Variants in KIRREL2 observed in about 807,000 individuals in gnomAD.
KIRREL2 encodes the protein kin of IRRE-like protein 2.
KIRREL2 carries 56 observed loss-of-function variants against 73.4 expected under a neutral mutation model. That is an observed-to-expected ratio of 0.76 (90% CI 0.62 to 0.95). The LOEUF is 0.95. Among genes scored for constraint, KIRREL2 ranks in the 40% least tolerant of loss-of-function variants. The probability of loss-of-function intolerance (pLI) is 0.00; values close to 1 mark genes in which losing one functional copy is unlikely to be tolerated. For missense variants in KIRREL2, 896 were observed against 935.0 expected (o/e 0.96, Z 0.54); for synonymous variants, 407 against 404.0 (o/e 1.01, Z -0.09).
intron 5 of KIRREL2, among the ~76,000 whole-genome samples, 185 bp from the exon 6 acceptor site, chr19:35,860,112 C>T (rs1973597783): frequency 6.6e-6 from 1 of 152,050 alleles, no homozygotes; most frequent in Admixed American, 6.5e-5. Flanking sequence ...TAGGAGAGGG[C>T]AGAAGGCTGG....
intron 11 of KIRREL2, 90 bp downstream of exon 11, chr19:35,862,114 C>T (rs1973722536): frequency 4.5e-6 from 5 of 1,119,528 alleles, no homozygotes; most frequent in South Asian, 1.5e-5. Context: ...AAACCTCATA[C>T]CCTCAAATGC....
chr19:35,866,126 A>G (rs1331909086), intron 14 of KIRREL2, 31 bp from the exon 15 acceptor site: 3 of 1,583,450 alleles, frequency 1.9e-6, no homozygotes, highest in Non-Finnish European at 2.6e-6. Flanking sequence ...GCACGCTCAC[A>G]GACTTTACTG....
intron 11 of KIRREL2, 124 bp from the exon 12 acceptor site, chr19:35,862,369 T>G: frequency 1.3e-6 from 1 of 756,830 alleles, no homozygotes; most frequent in Non-Finnish European, 2.3e-6. Flanking sequence ...AACCCCAAAT[T>G]CAAGGGCCTT....
At position 35,861,268 on chromosome 19, in the gene KIRREL2, G is replaced by C; in HGVS notation, c.1189+14G>C. On this transcript the variant is annotated intron_variant, in intron 9 of 14. Transcript: ENST00000360202. ...TGACTGTGAACGGTGAGAAGGCGGG[G>C]CTTCCTAGGGGACCTGGCCCGTCCT... The C allele has an allele frequency of 6.6e-7, 1 of 1,522,014 alleles. No individual in the cohort carries two copies. The highest frequency in any genetic ancestry group is 8.7e-7 in the Non-Finnish European group (1 of 1,146,134). 94.3% of individuals were successfully genotyped at this position (1,522,014 alleles called of 1,614,324 possible).
In KIRREL2 at chr19:35,859,532, A is replaced by G. The variant is rs763642025; in HGVS notation, c.574A>G (p.Thr192Ala). 7 of 1,613,584 alleles carry G rather than the reference A, an allele frequency of 4.3e-6. No individual in the cohort carries two copies. The highest frequency in any genetic ancestry group is 5.1e-6 in the Non-Finnish European group (6 of 1,179,950). Residue 192 changes from threonine (T) to alanine (A), a missense_variant, in exon 5 of 15, where the codon ACC becomes GCC. By Grantham distance (58) the Thr-to-Ala change is moderately conservative. Transcript: ENST00000360202. Reference sequence around the variant, plus strand: ...GTCAGTGGAGAGCACCTTAACCCTGACCCCTTTCAGCCATGATGATGGAGC... The same window carrying G: ...GTCAGTGGAGAGCACCTTAACCCTGGCCCCTTTCAGCCATGATGATGGAGC... ...PGSVESTLTL[T>A]PFSHDDGATF...
At chr19:35,862,747 C>G (rs1019159553) in intron 12 of KIRREL2, 150 bp downstream of exon 12, 2 of 714,546 alleles carry the variant, frequency 2.8e-6, no homozygotes, top group African/African-American at 3.5e-5. Flanking sequence ...CTGGTTCCCT[C>G]CTTAAGCCCT....
rs1290773800 is a variant in KIRREL2, at chr19:35,860,630, G to A, written c.891G>A (p.Val297=). 1 of 1,603,558 alleles carries A rather than the reference G, an allele frequency of 6.2e-7. No homozygotes were observed. Among genetic ancestry groups the A allele is most frequent in the Admixed American group, 1.7e-5 (1 of 60,024 alleles). ...TGTCCTGCGAGGTCAGCAACGCCGT[G>A]GGTAGCGCCAACCGCAGTACTGCGC... ...EPVSCEVSNA[V]GSANRSTALD... Residue 297 remains valine (V), a synonymous_variant, in exon 7 of 15, where the codon GTG becomes GTA. Transcript: ENST00000360202.
intron 3 of KIRREL2, 31 bp downstream of exon 3, chr19:35,858,588 G>A (rs1455007529): frequency 9.9e-6 from 16 of 1,612,760 alleles, no homozygotes; most frequent in Non-Finnish European, 1.4e-5. Context: ...TCCCCTGGGA[G>A]CCCAAGAGGG....
intron 2 of KIRREL2, 58 bp downstream of exon 2, chr19:35,857,552 G>C: frequency 6.9e-7 from 1 of 1,454,458 alleles, no homozygotes; most frequent in East Asian, 2.4e-5. Context: ...TGCTGGGCTC[G>C]GCTGTACCTG....
chr19:35,854,071 C>T (rs1973349055), upstream of KIRREL2, among the ~76,000 whole-genome samples: 2 of 152,128 alleles, frequency 1.3e-5, no homozygotes. Flanking sequence ...TCTCGAACTC[C>T]TGACCTCAGG....
At chr19:35,862,832 C>T in intron 12 of KIRREL2, 95 bp from the exon 13 acceptor site, 1 of 781,216 alleles carries the variant, frequency 1.3e-6, no homozygotes. Flanking sequence ...ACCCAATCAG[C>T]CTCATTGGTT....
rs1259283583 is a variant in KIRREL2, at chr19:35,860,644, G to C, written c.905G>C (p.Arg302Pro). 1 of 1,603,016 alleles carries C rather than the reference G, an allele frequency of 6.2e-7. No homozygotes were observed. Among genetic ancestry groups the C allele is most frequent in the Non-Finnish European group, 8.5e-7 (1 of 1,179,892 alleles). Residue 302 changes from arginine to proline, a missense_variant, in exon 7 of 15, where the codon CGC (arginine) becomes CCC (proline). Coordinates refer to ENST00000360202, the MANE Select transcript of KIRREL2 (RefSeq NM_199180.4). ...EVSNAVGSAN[R>P]STALDVLFGP... The stretch of plus-strand genomic sequence containing the variant: ...AGCAACGCCGTGGGTAGCGCCAACC[G>C]CAGTACTGCGCTGGATGTGCTGTGT...
upstream of KIRREL2, among the ~76,000 whole-genome samples, chr19:35,853,006 G>A (rs1374312593): frequency 1.3e-5 from 2 of 152,132 alleles, no homozygotes; most frequent in Non-Finnish European, 2.9e-5. Context: ...TGTTGGCCAC[G>A]CTGGTCTCGA....
chr19:35,856,919 A>C lies in KIRREL2; in HGVS notation c.-201A>C. The C allele has an allele frequency of 4.5e-6, 3 of 673,236 alleles. No homozygotes were observed. Among genetic ancestry groups the C allele is most frequent in the East Asian group, 2.7e-5 (1 of 36,738 alleles). The allele number at this position is 673,236 out of a possible 1,614,324, so 41.7% of individuals were successfully genotyped here. On this transcript the variant is annotated 5_prime_UTR_variant, in exon 1 of 15. Coordinates refer to ENST00000360202, the MANE Select transcript of KIRREL2 (RefSeq NM_199180.4). This position sits in a 1 kb window ranked among gnomAD's most constrained non-coding sequence, Gnocchi z 5.9. The stretch of plus-strand genomic sequence containing the variant: ...CCCTCTTGGGGTCTCCCAGAGACCC[A>C]GGCCGCGGAACTGGCAGGCGTTTCA...
intron 7 of KIRREL2, 35 bp from the exon 8 acceptor site, chr19:35,860,874 C>A (rs772537213): frequency 3.1e-6 from 5 of 1,612,436 alleles, no homozygotes; most frequent in Non-Finnish European, 4.2e-6. Flanking sequence ...CTGCATTCCG[C>A]CCCGGCCATG....
chr19:35,858,790 G>T lies in KIRREL2; in HGVS notation c.448G>T (p.Gly150Trp), dbSNP rs1345353507. ...VPANLTCRSR[G>W]DARPTPELLW... ...TGCGAACCTGACATGTCGGAGCCGT[G>T]GGGATGCCCGCCCTACCCCTGAATT... The change falls in exon 4 of 15, where the codon GGG (glycine) becomes TGG (tryptophan). Residue 150 changes from glycine to tryptophan, a missense_variant. Transcript: ENST00000360202. 1.2e-6 allele frequency: 2 copies of T among 1,614,190 alleles called. No homozygotes were observed. The highest frequency in any genetic ancestry group is 1.7e-6 in the Non-Finnish European group (2 of 1,180,042).
At chr19:35,860,148 G>A in intron 5 of KIRREL2, 149 bp from the exon 6 acceptor site, 1 of 634,144 alleles carries the variant, frequency 1.6e-6, no homozygotes, top group South Asian at 2.0e-5. Flanking sequence ...GGGGAAATTG[G>A]GAACTGAAAG....
At chr19:35,858,601 G>GC (rs1302143946) in intron 3 of KIRREL2, 44 bp downstream of exon 3, 1 of 1,612,036 alleles carries the variant, frequency 6.2e-7, no homozygotes, top group African/African-American at 1.3e-5. Flanking sequence ...CAAGAGGGCA[G>GC]CCCGTACTAG....
chr19:35,855,406 G>C (rs553175238), upstream of KIRREL2, among the ~76,000 whole-genome samples: 7 of 151,900 alleles, frequency 4.6e-5, no homozygotes, highest in Non-Finnish European at 1.0e-4. Flanking sequence ...AGCCAGGAAG[G>C]GGAAGCGGCG....
Sources: allele counts gnomAD v4.1 joint callset (sites outside exome capture counted in the v4.1 genomes callset), GRCh38; gene constraint gnomAD v4.1.1; non-coding constraint Gnocchi (gnomAD v3.1); transcripts MANE v1.5; gene names NCBI Gene and HGNC (gene_info 2026-07-23, HGNC 2026-07-21).